The following LYPD8 variants were observed in gnomAD, a reference collection of about 807,000 sequenced individuals.
The protein encoded by LYPD8 is ly6/PLAUR domain-containing protein 8.
Under a neutral mutation model 1.7 loss-of-function variants are expected in LYPD8, and 8 were observed. That is an observed-to-expected ratio of 4.58 (90% CI 2.69 to 8.27). LYPD8 has a LOEUF of 8.27. LYPD8 is among the 30% of genes most tolerant of loss of function. The pLI, the probability that LYPD8 is intolerant of heterozygous loss-of-function variation, is 0.00. For synonymous variants in LYPD8, 50 were observed against 43.6 expected (o/e 1.15, Z -0.58); for missense variants, 112 against 102.3 (o/e 1.09, Z -0.41).
chr1:248,751,119 A>G lies in LYPD8; in HGVS notation c.-38T>C, dbSNP rs1662794828. On this transcript the variant is annotated 5_prime_UTR_variant, in exon 3 of 7. Coordinates refer to ENST00000590317, the MANE Select transcript of LYPD8 (RefSeq NM_001085474.2). ...GACTTCTCCCAAGGATGGGGACCAC[A>G]GGGCCTCAAGCCTGAAAAGACACAA... The G allele has an allele frequency of 5.0e-6, 2 of 398,498 alleles. No homozygotes were observed. The highest frequency in any genetic ancestry group is 8.8e-6 in the Non-Finnish European group (2 of 226,062). 24.7% of individuals were successfully genotyped at this position (398,498 alleles called of 1,614,324 possible).
At chr1:248,742,076 C>G (rs1174034338) in intron 6 of LYPD8, among the ~76,000 whole-genome samples, 1 of 152,198 alleles carries the variant, frequency 6.6e-6, no homozygotes, top group Non-Finnish European at 1.5e-5. Context: ...TATACAACAC[C>G]AAGGGGGAAC....
At chr1:248,750,748 C>A in intron 3 of LYPD8, 105 bp from the exon 4 acceptor site, 1 of 398,040 alleles carries the variant, frequency 2.5e-6, no homozygotes, top group Non-Finnish European at 4.4e-6. Context: ...AAAAGACAGA[C>A]GGGATGGCAT....
At chr1:248,741,725 T>G (rs1386721774) in intron 6 of LYPD8, among the ~76,000 whole-genome samples, 1 of 152,228 alleles carries the variant, frequency 6.6e-6, no homozygotes, top group Non-Finnish European at 1.5e-5. Context: ...GAGAAAAATC[T>G]TTCTGATGTC....
At chr1:248,753,316 A>AAC (rs1662860664) in intron 2 of LYPD8, among the ~76,000 whole-genome samples, 19 of 90,146 alleles carry the variant, frequency 2.1e-4, no homozygotes, top group Admixed American at 2.2e-4. Context: ...CACCCCACAC[A>AAC]ACACACAACA....
chr1:248,744,358 C>T (rs183290291), intron 6 of LYPD8, among the ~76,000 whole-genome samples: 3 of 152,334 alleles, frequency 2.0e-5, no homozygotes, highest in Admixed American at 6.5e-5. Context: ...ACAAGAAGCC[C>T]GCCTGCATGG....
chr1:248,753,561 CACACA>C (rs1477991450), intron 2 of LYPD8, among the ~76,000 whole-genome samples: 1 of 123,202 alleles, frequency 8.1e-6, no homozygotes, highest in Non-Finnish European at 1.7e-5. Flanking sequence ...ACACATCACA[CACACA>C]ACACACACCC....
chr1:248,748,401 A>G lies in LYPD8; in HGVS notation c.225T>C (p.Ser75=), dbSNP rs1662746698. Reference sequence around the variant, plus strand: ...TGAAGGCTGTAATGTGTGTCTCCTCACTGCAGTTCTCCGCTGAGCAGAACA... The same window carrying G: ...TGAAGGCTGTAATGTGTGTCTCCTCGCTGCAGTTCTCCGCTGAGCAGAACA... The part of the protein sequence containing the change: ...QNMFCSAENC[S]EETHITAFTV... The change falls in exon 5 of 7, where the codon AGT becomes AGC. Residue 75 remains serine, a synonymous_variant. Coordinates refer to ENST00000590317, the MANE Select transcript of LYPD8 (RefSeq NM_001085474.2). The G allele has an allele frequency of 2.3e-6, 1 of 430,896 alleles. No individual in the cohort carries two copies. Among genetic ancestry groups the G allele is most frequent in the Non-Finnish European group, 4.1e-6 (1 of 246,868 alleles). 26.7% of individuals were successfully genotyped at this position (430,896 alleles called of 1,614,324 possible). A position where few individuals can be genotyped will look rare whatever the true frequency, so the allele number is the denominator to read the frequency against.
At chr1:248,744,833 G>C (rs541565301) in intron 6 of LYPD8, among the ~76,000 whole-genome samples, 1 of 152,148 alleles carries the variant, frequency 6.6e-6, no homozygotes, top group Non-Finnish European at 1.5e-5. Flanking sequence ...AGAATGATGC[G>C]ACCTGGTAAA....
chr1:248,753,924 C>T (rs1044011555), intron 2 of LYPD8, among the ~76,000 whole-genome samples: 39 of 147,958 alleles, frequency 2.6e-4, no homozygotes, highest in African/African-American at 9.8e-4. Flanking sequence ...TACATACACA[C>T]AACACACACA....
chr1:248,749,484 G>C (rs1163892834), intron 4 of LYPD8, among the ~76,000 whole-genome samples: 1 of 152,130 alleles, frequency 6.6e-6, no homozygotes, highest in Non-Finnish European at 1.5e-5. Flanking sequence ...TACAGTACTA[G>C]AGTCTGCAAA....
chr1:248,753,062 ACACACCCCACACACCC>A (rs1369634300), intron 2 of LYPD8, among the ~76,000 whole-genome samples: 51 of 86,112 alleles, frequency 5.9e-4, no homozygotes, highest in Non-Finnish European at 2.7e-4. Context: ...CACACACCCC[ACACACCCCACACACCC>A]CACACCACAC....
At chr1:248,752,510 A>C (rs1348832599) in intron 2 of LYPD8, among the ~76,000 whole-genome samples, 16 of 136,822 alleles carry the variant, frequency 1.2e-4, no homozygotes, top group African/African-American at 2.9e-4. Context: ...ACACACACCA[A>C]ACANCCCACA....
intron 2 of LYPD8, among the ~76,000 whole-genome samples, chr1:248,752,981 AACACAACAC>A (rs1662842366): frequency 2.6e-5 from 2 of 76,584 alleles, no homozygotes; most frequent in African/African-American, 1.1e-4. Flanking sequence ...ACACACACAC[AACACAACAC>A]ACACACAAAC....
intron 2 of LYPD8, among the ~76,000 whole-genome samples, chr1:248,752,839 CCACACACACACACCACACCA>C (rs1662834607): frequency 1.0e-5 from 1 of 96,616 alleles, no homozygotes; most frequent in South Asian, 3.2e-4. Flanking sequence ...ACACCACACC[CCACACACACACACCACACCA>C]CACACACACC....
Position 248,746,663 on chromosome 1 carries a change from C to G in LYPD8, c.338-1384G>C, listed in dbSNP as rs1410486057. Among the ~76,000 whole-genome samples, 7 of 65,920 alleles carry G rather than the reference C, an allele frequency of 1.1e-4. No homozygotes were observed. In the East Asian group the frequency reaches 2.6e-3, roughly 25 times the overall value. The allele number at this position is 65,920 out of a possible 152,430, so 43.2% of individuals were successfully genotyped here. A position where few individuals can be genotyped will look rare whatever the true frequency, so the allele number is the denominator to read the frequency against. The stretch of plus-strand genomic sequence containing the variant: ...CAGGGCATCGCCCGCACGGCCAGCA[C>G]CCACCCAGGGCATCGCCCGCACGGC... On this transcript the variant is annotated intron_variant, in intron 5 of 6. Transcript: ENST00000590317.
intron 4 of LYPD8, among the ~76,000 whole-genome samples, chr1:248,749,297 T>C (rs1399750751): frequency 3.9e-5 from 6 of 152,176 alleles, no homozygotes; most frequent in Admixed American, 1.3e-4. Context: ...ATAGACCACA[T>C]CATGACATCT....
At chr1:248,753,088 CT>C (rs1558208846) in intron 2 of LYPD8, among the ~76,000 whole-genome samples, 2 of 114,076 alleles carry the variant, frequency 1.8e-5, no homozygotes, top group Admixed American at 9.0e-5. Flanking sequence ...CCACACCACA[CT>C]ACACACACAC....
intron 6 of LYPD8, among the ~76,000 whole-genome samples, chr1:248,742,462 G>A (rs1572152479): frequency 1.6e-5 from 1 of 62,144 alleles, no homozygotes; most frequent in South Asian, 7.8e-4. Context: ...GTTGGCAGCC[G>A]GGGAGGTTAT....
intron 6 of LYPD8, among the ~76,000 whole-genome samples, chr1:248,742,112 T>C (rs951140443): frequency 8.5e-5 from 13 of 152,214 alleles, no homozygotes; most frequent in African/African-American, 3.1e-4. Context: ...CAACTTTGGG[T>C]GAGGCTGTAT....
Sources: gnomAD v4.1 joint callset for allele counts (sites outside exome capture counted in the v4.1 genomes callset) on GRCh38, gnomAD v4.1.1 for gene constraint, MANE v1.5 for transcripts, NCBI Gene and HGNC (gene_info 2026-07-23, HGNC 2026-07-21) for gene names.